The following COL8A1 variants were observed in gnomAD, a reference collection of about 807,000 sequenced individuals.
The protein encoded by COL8A1 is collagen type VIII alpha 1 chain.
A neutral mutation model predicts 42.7 loss-of-function variants in COL8A1; 21 were observed. The ratio of observed to expected loss-of-function variants is 0.49; its 90% CI spans 0.35 to 0.71. The LOEUF (loss-of-function observed/expected upper bound fraction) is 0.71, where lower values mean the gene tolerates loss of function less well. COL8A1 is among the 30% of genes least tolerant of loss of function. The pLI, the probability that COL8A1 is intolerant of heterozygous loss-of-function variation, is 0.01. For synonymous variants in COL8A1, 367 were observed against 369.1 expected, an observed-to-expected ratio of 0.99 and a Z score of 0.06; for missense variants, 788 against 962.4, an observed-to-expected ratio of 0.82 and a Z score of 2.40.
At chr3:99,760,467 C>A (rs1320809707) in intron 2 of COL8A1, among the ~76,000 whole-genome samples, 1 of 152,092 alleles carries the variant, frequency 6.6e-6, no homozygotes, top group Admixed American at 6.6e-5. Context: ...TGCCCCCTCT[C>A]CCATAGAGAA....
intron 1 of COL8A1, among the ~76,000 whole-genome samples, chr3:99,660,720 G>A (rs911181374): frequency 6.6e-6 from 1 of 152,188 alleles, no homozygotes; most frequent in African/African-American, 2.4e-5. Context: ...TAATTAGAAA[G>A]CTTAAAATAG....
intron 2 of COL8A1, among the ~76,000 whole-genome samples, chr3:99,775,237 A>G (rs1941672762): frequency 6.6e-6 from 1 of 152,200 alleles, no homozygotes; most frequent in Non-Finnish European, 1.5e-5. Flanking sequence ...CTCATCAATC[A>G]TGGCTAAAGA....
At chr3:99,773,837 A>ATATATATATATATT (rs1200212756) in intron 2 of COL8A1, among the ~76,000 whole-genome samples, 2 of 45,396 alleles carry the variant, frequency 4.4e-5, no homozygotes, top group African/African-American at 2.6e-4. Context: ...ATATATATAT[A>ATATATATATATATT]TTTTTTTTTT....
chr3:99,781,909 A>G (rs1159158184), intron 2 of COL8A1, among the ~76,000 whole-genome samples: 1 of 152,200 alleles, frequency 6.6e-6, no homozygotes, highest in African/African-American at 2.4e-5. Context: ...TGTTGTTCCT[A>G]AAACATGACT....
intron 1 of COL8A1, among the ~76,000 whole-genome samples, chr3:99,660,823 A>C (rs1479650630): frequency 6.6e-6 from 1 of 152,244 alleles, no homozygotes; most frequent in African/African-American, 2.4e-5. Context: ...AACTCCAGGG[A>C]ACATGATCTG....
chr3:99,734,674 C>A (rs1940644288), intron 1 of COL8A1, among the ~76,000 whole-genome samples: 2 of 151,772 alleles, frequency 1.3e-5, no homozygotes, highest in Admixed American at 1.3e-4. Flanking sequence ...TAGTTTTTTC[C>A]AATTCTGTGA....
At chr3:99,662,234 T>C (rs1418960217) in intron 1 of COL8A1, among the ~76,000 whole-genome samples, 1 of 151,954 alleles carries the variant, frequency 6.6e-6, no homozygotes, top group Non-Finnish European at 1.5e-5. Flanking sequence ...TTTTAAAAAT[T>C]AGCCAGGCGT....
At chr3:99,671,733 G>A (rs1379975994) in intron 1 of COL8A1, among the ~76,000 whole-genome samples, 1 of 151,868 alleles carries the variant, frequency 6.6e-6, no homozygotes, top group African/African-American at 2.4e-5. Context: ...ATGTAAATTG[G>A]TACAACCATT....
intron 1 of COL8A1, chr3:99,679,786 G>A (rs910924566): frequency 1.5e-4 from 23 of 152,154 alleles, no homozygotes; most frequent in Non-Finnish European, 3.1e-4. Flanking sequence ...GCATGGCAGT[G>A]ACCAAGTCAG....
intron 2 of COL8A1, among the ~76,000 whole-genome samples, chr3:99,773,894 G>C (rs1348103213): frequency 7.4e-6 from 1 of 135,170 alleles, no homozygotes; most frequent in Non-Finnish European, 1.5e-5. Context: ...ACCCAGGCGG[G>C]AATGTAGTGA....
chr3:99,730,070 A>G (rs1223640983), intron 1 of COL8A1, among the ~76,000 whole-genome samples: 1 of 152,170 alleles, frequency 6.6e-6, no homozygotes, highest in African/African-American at 2.4e-5. Context: ...CAATGGGATA[A>G]GAATAGGCAG....
At chr3:99,645,689 T>A (rs1937628184) in intron 1 of COL8A1, among the ~76,000 whole-genome samples, 1 of 145,312 alleles carries the variant, frequency 6.9e-6, no homozygotes, top group East Asian at 2.1e-4. Flanking sequence ...ATTGTTAGTT[T>A]TCTTTTTAAA....
rs1478721102 is a variant in COL8A1 at position 99,707,655 on chromosome 3, C to G, written c.-128-37242C>G. ...GGATCTACATGATTGGGCCCACGCC[C>G]TGCCGAACTTGGGGCACTTCCAGAG... On this transcript the variant is annotated intron_variant, in intron 1 of 3. Coordinates refer to ENST00000652472, the MANE Select transcript of COL8A1 (RefSeq NM_020351.4). 2.0e-5 allele frequency among the ~76,000 whole-genome samples: 3 copies of G among 152,172 alleles called. No individual in the cohort carries two copies. In the East Asian group the frequency reaches 5.8e-4, roughly 29 times the overall value.
chr3:99,765,046 T>C (rs1034786068), intron 2 of COL8A1, among the ~76,000 whole-genome samples: 1 of 152,108 alleles, frequency 6.6e-6, no homozygotes, highest in African/African-American at 2.4e-5. Flanking sequence ...CAGTTATTAA[T>C]AATAATAGTT....
At chr3:99,740,248 G>A (rs1576458288) in intron 1 of COL8A1, among the ~76,000 whole-genome samples, 1 of 152,140 alleles carries the variant, frequency 6.6e-6, no homozygotes, top group African/African-American at 2.4e-5. Context: ...CCTCCAAACT[G>A]TTCCCACCTC....
intron 1 of COL8A1, among the ~76,000 whole-genome samples, chr3:99,692,985 C>T (rs1446999499): frequency 6.6e-6 from 1 of 152,180 alleles, no homozygotes; most frequent in Non-Finnish European, 1.5e-5. Flanking sequence ...ATGGTGAAAC[C>T]TTGTCTCTAC....
chr3:99,669,964 C>A (rs929355834), intron 1 of COL8A1, among the ~76,000 whole-genome samples: 3 of 151,898 alleles, frequency 2.0e-5, no homozygotes, highest in Non-Finnish European at 4.4e-5. Flanking sequence ...TTTTCTAGAG[C>A]CTTCTTGAAC....
At chr3:99,761,843 C>T (rs1163605267) in intron 2 of COL8A1, among the ~76,000 whole-genome samples, 22 of 152,148 alleles carry the variant, frequency 1.4e-4, no homozygotes. Context: ...GTACTTGTGA[C>T]TTTTACAGAA....
At chr3:99,748,877 G>A (rs970912514) in intron 2 of COL8A1, among the ~76,000 whole-genome samples, 3 of 152,154 alleles carry the variant, frequency 2.0e-5, no homozygotes, top group Non-Finnish European at 4.4e-5. Flanking sequence ...GAGAGACTTC[G>A]AAGTAAAAGT....
Sources: gnomAD v4.1 joint callset for allele counts (sites outside exome capture counted in the v4.1 genomes callset) on GRCh38, gnomAD v4.1.1 for gene constraint, MANE v1.5 for transcripts, NCBI Gene and HGNC (gene_info 2026-07-23, HGNC 2026-07-21) for gene names.